The following CRYBG1 variants were observed in gnomAD, a reference collection of about 807,000 sequenced individuals.
CRYBG1 encodes the protein beta/gamma crystallin domain-containing protein 1.
CRYBG1 carries 139 observed loss-of-function variants against 189.2 expected under a neutral mutation model. The observed-to-expected ratio is 0.73, with a 90% CI of 0.64 to 0.85. The LOEUF is 0.85. CRYBG1 is among the 40% of genes least tolerant of loss of function. The pLI is 0.00. For missense variants in CRYBG1, 2,611 were observed against 2,675.8 expected (o/e 0.98, Z 0.53); for synonymous variants, 1,023 against 1,017.1 (o/e 1.01, Z -0.11).
chr6:106,488,269 G>A (rs1772634978), intron 2 of CRYBG1, among the ~76,000 whole-genome samples: 1 of 152,170 alleles, frequency 6.6e-6, no homozygotes, highest in African/African-American at 2.4e-5. Flanking sequence ...TCAGGTCTGG[G>A]TCAGATGCGT....
At chr6:106,547,676 A>G (rs1774297070) in intron 13 of CRYBG1, among the ~76,000 whole-genome samples, 1 of 152,244 alleles carries the variant, frequency 6.6e-6, no homozygotes, top group South Asian at 2.1e-4. Flanking sequence ...ATTGTCAGAA[A>G]AAAACTCTTC....
rs149264191 is a variant in CRYBG1, at chr6:106,512,370, C to G, written c.1253C>G (p.Ser418Trp). The change falls in exon 3 of 22, where the codon TCG (serine) becomes TGG (tryptophan). Residue 418 changes from serine to tryptophan, a missense_variant. Physicochemically the swap from Ser to Trp is radical, Grantham distance 177. This residue lies in a region of CRYBG1 where 985 missense variants were observed against 924.4 expected (regional missense o/e 1.07). Transcript: ENST00000633556. Reference sequence around the variant, plus strand: ...GAGAAGAGGTCCAGCGGCCGTAGGTCGGGGAGGCGGAGGGGGTCGCAGAAA... The same window carrying G: ...GAGAAGAGGTCCAGCGGCCGTAGGTGGGGGAGGCGGAGGGGGTCGCAGAAA... ...DMEKRSSGRR[S>W]GRRRGSQKST... 1.9e-6 allele frequency: 3 copies of G among 1,611,226 alleles called. No individual in the cohort carries two copies. The highest frequency in any genetic ancestry group is 2.5e-6 in the Non-Finnish European group (3 of 1,179,292).
intron 1 of CRYBG1, among the ~76,000 whole-genome samples, chr6:106,374,931 C>T (rs710092): frequency 0.92 from 139,696 of 152,242 alleles, 64,307 homozygotes; most frequent in East Asian, 0.98. Context: ...AGCCAAAATA[C>T]GCCTGAAAGT....
intron 1 of CRYBG1, among the ~76,000 whole-genome samples, chr6:106,375,425 A>AAGTAAG (rs374045932): frequency 0.038 from 4,531 of 120,310 alleles, 94 homozygotes; most frequent in South Asian, 0.056. Flanking sequence ...AAGTAAGTAA[A>AAGTAAG]TAAATAAATA....
At chr6:106,375,737 T>TA (rs1289479489) in intron 1 of CRYBG1, among the ~76,000 whole-genome samples, 1 of 152,220 alleles carries the variant, frequency 6.6e-6, no homozygotes, top group East Asian at 1.9e-4. Context: ...TACTTTTTGA[T>TA]ACACTTGGCT....
chr6:106,496,826 A>T (rs1263198573), intron 2 of CRYBG1, among the ~76,000 whole-genome samples: 3 of 152,212 alleles, frequency 2.0e-5, no homozygotes, highest in African/African-American at 7.2e-5. Context: ...GTGGCTAGTG[A>T]GACGACATTT....
chr6:106,515,003 G>T (rs562936937), intron 3 of CRYBG1, among the ~76,000 whole-genome samples: 1 of 152,110 alleles, frequency 6.6e-6, no homozygotes, highest in Non-Finnish European at 1.5e-5. Flanking sequence ...TGACCGTATC[G>T]CAAGATGTTA....
chr6:106,381,081 A>G (rs1770278179), intron 1 of CRYBG1, among the ~76,000 whole-genome samples: 1 of 152,214 alleles, frequency 6.6e-6, no homozygotes, highest in Non-Finnish European at 1.5e-5. Flanking sequence ...ATGTACATAC[A>G]TTTGTGTCTA....
In CRYBG1 at chr6:106,444,694, A is replaced by T. The variant is rs1186376758; in HGVS notation, c.174-7000A>T. ...CTTTCACAGACTCGGTAGCACCCAA[A>T]GCCTCGATTTCACAAGATAGAAGTA... On this transcript the variant is annotated intron_variant, in intron 1 of 21. Transcript: ENST00000633556. 2.0e-5 allele frequency among the ~76,000 whole-genome samples: 3 copies of T among 152,336 alleles called. No homozygotes were observed. The East Asian group carries it at 5.8e-4, about 29-fold the overall frequency.
intron 2 of CRYBG1, among the ~76,000 whole-genome samples, chr6:106,469,230 C>T (rs1388563542): frequency 6.6e-6 from 1 of 152,242 alleles, no homozygotes. Flanking sequence ...AGAACTGATT[C>T]CTTCTTATTG....
intron 1 of CRYBG1, among the ~76,000 whole-genome samples, chr6:106,403,841 G>A (rs1770768674): frequency 1.3e-5 from 2 of 152,138 alleles, no homozygotes; most frequent in Admixed American, 6.5e-5. Context: ...AGCAACTTGA[G>A]GTGATCTAAG....
intron 1 of CRYBG1, among the ~76,000 whole-genome samples, chr6:106,406,725 C>T (rs1770834578): frequency 6.6e-6 from 1 of 152,168 alleles, no homozygotes; most frequent in Admixed American, 6.5e-5. Flanking sequence ...ACAGTGGAGG[C>T]CAATATTCAA....
chr6:106,411,845 T>A (rs1770931682), intron 1 of CRYBG1, among the ~76,000 whole-genome samples: 1 of 151,874 alleles, frequency 6.6e-6, no homozygotes, highest in African/African-American at 2.4e-5. Flanking sequence ...GAACCTGGAG[T>A]CAGATGTCCA....
chr6:106,367,799 CAAAAAAAAA>C (rs68107811), intron 1 of CRYBG1, among the ~76,000 whole-genome samples: 1 of 136,970 alleles, frequency 7.3e-6, no homozygotes, highest in African/African-American at 2.7e-5. Context: ...CCTGCTTATC[CAAAAAAAAA>C]AAAAAAAAAT....
intron 1 of CRYBG1, among the ~76,000 whole-genome samples, chr6:106,427,920 T>C (rs1487479256): frequency 6.6e-6 from 1 of 152,190 alleles, no homozygotes; most frequent in Non-Finnish European, 1.5e-5. Context: ...CTCAAGCCTT[T>C]GTGCTTGCTG....
At chr6:106,426,507 G>T (rs1314943041) in intron 1 of CRYBG1, among the ~76,000 whole-genome samples, 3 of 151,996 alleles carry the variant, frequency 2.0e-5, no homozygotes, top group Admixed American at 6.6e-5. Flanking sequence ...ACTCCAATTG[G>T]GCTCCTCTGA....
At chr6:106,403,973 A>C (rs573994898) in intron 1 of CRYBG1, among the ~76,000 whole-genome samples, 2 of 152,386 alleles carry the variant, frequency 1.3e-5, no homozygotes, top group African/African-American at 4.8e-5. Context: ...TAGGCATTCT[A>C]GAATTCAGCT....
chr6:106,560,649 T>A (rs1774690649), intron 18 of CRYBG1, among the ~76,000 whole-genome samples, 154 bp from the exon 19 acceptor site: 1 of 152,218 alleles, frequency 6.6e-6, no homozygotes, highest in South Asian at 2.1e-4. Context: ...AGAAATTACT[T>A]CTTTTAAGTG....
intron 8 of CRYBG1, among the ~76,000 whole-genome samples, chr6:106,531,086 G>A (rs1245120666): frequency 6.6e-6 from 1 of 152,148 alleles, no homozygotes; most frequent in Non-Finnish European, 1.5e-5. Flanking sequence ...GGTTTATACA[G>A]TCAAAAAAGT....
Sources: gnomAD v4.1 joint callset for allele counts (sites outside exome capture counted in the v4.1 genomes callset) on GRCh38, gnomAD v4.1.1 for gene constraint, gnomAD v4.1.1 regional missense constraint, MANE v1.5 for transcripts, NCBI Gene and HGNC (gene_info 2026-07-23, HGNC 2026-07-21) for gene names.